Variants in CPSF6 observed in about 807,000 individuals in gnomAD.
The protein encoded by CPSF6 is cleavage and polyadenylation specific factor 6.
A neutral mutation model predicts 56.7 loss-of-function variants in CPSF6; 10 were observed. The ratio of observed to expected loss-of-function variants is 0.18; its 90% CI spans 0.11 to 0.30. The LOEUF (loss-of-function observed/expected upper bound fraction) is 0.30. Among genes scored for constraint, CPSF6 ranks in the 10% least tolerant of loss-of-function variants. CPSF6 has a pLI of 1.00. For missense variants in CPSF6, 419 were observed against 722.9 expected (o/e 0.58, Z 4.82); for synonymous variants, 248 against 244.8 (o/e 1.01, Z -0.12).
At chr12:69,245,427 G>A (rs478863) in intron 1 of CPSF6, among the ~76,000 whole-genome samples, 114,452 of 151,710 alleles carry the variant, frequency 0.75, 43,686 homozygotes, top group African/African-American at 0.88. Flanking sequence ...AAACTTTATC[G>A]TAGGTATATA....
At chr12:69,269,445 A>C (rs1873145134) in intron 9 of CPSF6, 67 bp from the exon 10 acceptor site, 1 of 448,476 alleles carries the variant, frequency 2.2e-6, no homozygotes, top group Non-Finnish European at 4.5e-6. Context: ...TGTATAGTTA[A>C]GCCAGCGTTT....
chr12:69,243,329 A>G (rs950024306), intron 1 of CPSF6, among the ~76,000 whole-genome samples: 1 of 152,146 alleles, frequency 6.6e-6, no homozygotes, highest in African/African-American at 2.4e-5. Flanking sequence ...GAGATACTAT[A>G]TTTAGCTAAC....
chr12:69,253,990 T>G (rs1180173229), intron 3 of CPSF6, among the ~76,000 whole-genome samples: 1 of 152,200 alleles, frequency 6.6e-6, no homozygotes, highest in Non-Finnish European at 1.5e-5. Context: ...TTACTTATCT[T>G]AGAAGATTAT....
At chr12:69,247,988 C>T (rs998679555) in intron 1 of CPSF6, among the ~76,000 whole-genome samples, 1 of 152,196 alleles carries the variant, frequency 6.6e-6, no homozygotes, top group African/African-American at 2.4e-5. Context: ...ACCCCAGGAC[C>T]ATGGTCTTAA....
chr12:69,257,739 A>G lies in CPSF6; in HGVS notation c.528A>G (p.Gln176=), dbSNP rs749220203. The change falls in exon 5 of 10, where the codon CAA becomes CAG. Residue 176 remains glutamine, a synonymous_variant. Transcript: ENST00000435070. ...QFEMQSRKTT[Q]SGQMSGEGKA... is the part of the protein sequence containing the mutation. ...GTATTTGGATATTTGCAGCTACACA[A>G]TCAGGACAAATGTCTGGGGAAGGTA... 5.0e-6 allele frequency: 8 copies of G among 1,606,986 alleles called. No homozygotes were observed. The highest frequency in any genetic ancestry group is 1.6e-4 in the Middle Eastern group (1 of 6,062).
rs186169652 is a variant in CPSF6, at chr12:69,258,463, G to A, written c.695-127G>A. 2.7e-4 allele frequency: 249 copies of A among 935,386 alleles called. No homozygotes were observed. The highest frequency in any genetic ancestry group is 5.8e-4 in the African/African-American group (35 of 59,984). The allele number at this position is 935,386 out of a possible 1,614,324, so 57.9% of individuals were successfully genotyped here. On this transcript the variant is annotated intron_variant, in intron 5 of 9. Transcript: ENST00000435070. This position sits in a 1 kb window ranked among gnomAD's most constrained non-coding sequence, Gnocchi z 4.2. ...GTTGGTAGTGTAACATTTACCATAC[G>A]GGTTTAATTTAAAGACAAAGACTTG...
chr12:69,266,391 T>C (rs955220488), intron 9 of CPSF6, among the ~76,000 whole-genome samples: 4 of 152,176 alleles, frequency 2.6e-5, no homozygotes, highest in Admixed American at 6.5e-5. Flanking sequence ...AAGTGATCCC[T>C]TGAATGGATG....
chr12:69,260,811 T>C (rs1406209097), intron 8 of CPSF6, among the ~76,000 whole-genome samples: 1 of 152,190 alleles, frequency 6.6e-6, no homozygotes, highest in South Asian at 2.1e-4. Context: ...ATGGGTCTTG[T>C]TAAGTTACCC....
intron 9 of CPSF6, among the ~76,000 whole-genome samples, chr12:69,262,901 T>G (rs1433901743): frequency 6.6e-6 from 1 of 152,200 alleles, no homozygotes; most frequent in Non-Finnish European, 1.5e-5. Flanking sequence ...GCATGCAATT[T>G]AAAATACAAA....
intron 9 of CPSF6, among the ~76,000 whole-genome samples, chr12:69,268,569 A>T (rs1873101793): frequency 6.6e-6 from 1 of 151,750 alleles, no homozygotes; most frequent in Non-Finnish European, 1.5e-5. Flanking sequence ...ACTGAAAAAA[A>T]ATTTTAAAAA....
intron 9 of CPSF6, among the ~76,000 whole-genome samples, chr12:69,265,031 T>C (rs1872908609): frequency 6.6e-6 from 1 of 152,158 alleles, no homozygotes; most frequent in Non-Finnish European, 1.5e-5. Context: ...CTTAACTTTT[T>C]AACTGGAAAC....
rs765059447 is a variant in CPSF6, at chr12:69,262,514, CCGTGACCGAGAG to C, written c.1626_1637del (p.Asp543_Arg546del). 257 of 1,613,666 alleles carry C rather than the reference CCGTGACCGAGAG, an allele frequency of 1.6e-4. No homozygotes were observed. The highest frequency in any genetic ancestry group is 1.9e-4 in the Non-Finnish European group (219 of 1,179,858). ...AGAGGCACCGGGATCGTGACCGAGA[CCGTGACCGAGAG>C]CGTGACCGAGAGCGCGAATATCGTC... On this transcript the variant is annotated inframe_deletion, in exon 9 of 10. Transcript: ENST00000435070.
In CPSF6 at chr12:69,259,415, T is replaced by G. The variant is rs1872653500; in HGVS notation, c.1200-13T>G. On this transcript the variant is annotated splice_polypyrimidine_tract_variant and intron_variant, in intron 6 of 9. Coordinates refer to ENST00000435070, the MANE Select transcript of CPSF6 (RefSeq NM_007007.3). ...GTTGAGTATGAGTTAAGGTTTATGT[T>G]TTTGTTTTACAGGGAAATGGATACT... The G allele has an allele frequency of 6.2e-7, 1 of 1,608,754 alleles. No individual in the cohort carries two copies. Among genetic ancestry groups the G allele is most frequent in the African/African-American group, 1.3e-5 (1 of 74,752 alleles).
Position 69,251,358 on chromosome 12 carries a change from GAATT to G in CPSF6, c.270+23_270+26del, listed in dbSNP as rs1565645167. 1 of 1,407,674 alleles carries G rather than the reference GAATT, an allele frequency of 7.1e-7. No individual in the cohort carries two copies. The highest frequency in any genetic ancestry group is 1.4e-5 in the African/African-American group (1 of 70,426). 87.2% of individuals were successfully genotyped at this position (1,407,674 alleles called of 1,614,324 possible). A position where few individuals can be genotyped will look rare whatever the true frequency, so the allele number is the denominator to read the frequency against. ...ACATGGGTAAGTGAAGTTAATATAA[GAATT>G]AAATTATTGGTAATTGATTTTGAAC... On this transcript the variant is annotated intron_variant, in intron 2 of 9. Coordinates refer to ENST00000435070, the MANE Select transcript of CPSF6 (RefSeq NM_007007.3).
At position 69,271,032 on chromosome 12, in the gene CPSF6, G is replaced by C. The variant is rs1483112625; in HGVS notation, c.*1524G>C. On this transcript the variant is annotated 3_prime_UTR_variant, in exon 10 of 10. Coordinates refer to ENST00000435070, the MANE Select transcript of CPSF6 (RefSeq NM_007007.3). ...TATGTGCAACTGTAGAAACCCTCCA[G>C]AAATTTCCACTGCTGTTCTTCACTT... 2 of 151,726 alleles carry C rather than the reference G, an allele frequency of 1.3e-5. No homozygotes were observed. Among genetic ancestry groups the C allele is most frequent in the Non-Finnish European group, 3.0e-5 (2 of 67,660 alleles). 9.4% of individuals were successfully genotyped at this position (151,726 alleles called of 1,614,324 possible).
chr12:69,239,595 G>C lies in CPSF6; in HGVS notation c.-52G>C. On this transcript the variant is annotated 5_prime_UTR_variant, in exon 1 of 10. Coordinates refer to ENST00000435070, the MANE Select transcript of CPSF6 (RefSeq NM_007007.3). ...CTAGATCCGCTGCTGCTGCCGCGGC[G>C]GGCAGACCTGCAGGAGGCGGCGGCG... 8 of 1,523,942 alleles carry C rather than the reference G, an allele frequency of 5.2e-6. No individual in the cohort carries two copies. Among genetic ancestry groups the C allele is most frequent in the Non-Finnish European group, 6.2e-6 (7 of 1,137,416 alleles). 94.4% of individuals were successfully genotyped at this position (1,523,942 alleles called of 1,614,324 possible).
At chr12:69,266,977 A>C (rs1873019936) in intron 9 of CPSF6, among the ~76,000 whole-genome samples, 1 of 152,098 alleles carries the variant, frequency 6.6e-6, no homozygotes, top group Non-Finnish European at 1.5e-5. Context: ...TCTAGTCAAC[A>C]CAAGAAGGAA....
chr12:69,239,884 T>C (rs1340779030), intron 1 of CPSF6, among the ~76,000 whole-genome samples, 178 bp downstream of exon 1: 1 of 148,266 alleles, frequency 6.7e-6, no homozygotes, highest in African/African-American at 2.5e-5. Context: ...TACCGCGTCG[T>C]TTCACGGGCC....
At chr12:69,253,498 A>G (rs12831239) in intron 3 of CPSF6, among the ~76,000 whole-genome samples, 9,834 of 152,244 alleles carry the variant, frequency 0.065, 628 homozygotes, top group South Asian at 0.29. Flanking sequence ...GCAACTGAAT[A>G]ATGTGTTACA....
Sources: allele counts gnomAD v4.1 joint callset (sites outside exome capture counted in the v4.1 genomes callset), GRCh38; gene constraint gnomAD v4.1.1; non-coding constraint Gnocchi (gnomAD v3.1); transcripts MANE v1.5; gene names NCBI Gene and HGNC (gene_info 2026-07-23, HGNC 2026-07-21).